TWSG1: variants seen among roughly 807,000 people sequenced by gnomAD.
The protein encoded by TWSG1 is twisted gastrulation BMP signaling modulator 1.
A neutral mutation model predicts 23.0 loss-of-function variants in TWSG1; 15 were observed. That is an observed-to-expected ratio of 0.65 (90% CI 0.44 to 1.00). The LOEUF (loss-of-function observed/expected upper bound fraction) is 1.00. TWSG1 is among the 50% of genes least tolerant of loss of function. The pLI is 0.00. For missense variants in TWSG1, 242 were observed against 278.7 expected, an observed-to-expected ratio of 0.87 and a Z score of 0.94; for synonymous variants, 86 against 92.8, an observed-to-expected ratio of 0.93 and a Z score of 0.42.
chr18:9,364,531 G>C (rs1006407310), intron 3 of TWSG1, among the ~76,000 whole-genome samples: 7 of 152,052 alleles, frequency 4.6e-5, no homozygotes, highest in African/African-American at 1.7e-4. Context: ...GGTGGCTCAC[G>C]CGTATAATCC....
intron 2 of TWSG1, among the ~76,000 whole-genome samples, chr18:9,352,409 T>C (rs758144520): frequency 1.4e-4 from 22 of 152,224 alleles, no homozygotes; most frequent in Non-Finnish European, 2.9e-4. Flanking sequence ...GGTCTTTTTA[T>C]GGACCTATGT....
intron 3 of TWSG1, among the ~76,000 whole-genome samples, chr18:9,377,648 C>T (rs192120488): frequency 1.3e-5 from 2 of 152,312 alleles, no homozygotes; most frequent in East Asian, 3.9e-4. Context: ...AATGTAAACA[C>T]AATACTGTGA....
chr18:9,338,157 C>T (rs1333343087), intron 2 of TWSG1, among the ~76,000 whole-genome samples: 5 of 152,214 alleles, frequency 3.3e-5, no homozygotes, highest in Admixed American at 3.3e-4. Context: ...CTGTAACCCT[C>T]ACTTGAGAGT....
At chr18:9,336,581 T>G (rs938939385) in intron 1 of TWSG1, among the ~76,000 whole-genome samples, 20 of 152,136 alleles carry the variant, frequency 1.3e-4, no homozygotes, top group African/African-American at 4.3e-4. Context: ...TAAAATTTTG[T>G]TTTGATTCTA....
At position 9,387,693 on chromosome 18, in the gene TWSG1, C is replaced by T. The variant is rs544037232; in HGVS notation, c.224-8587C>T. 7.3e-5 allele frequency among the ~76,000 whole-genome samples: 11 copies of T among 151,292 alleles called. No individual in the cohort carries two copies. The South Asian group carries it at 1.5e-3, about 20-fold the overall frequency. On this transcript the variant is annotated intron_variant, in intron 3 of 4. Coordinates refer to ENST00000262120, the MANE Select transcript of TWSG1 (RefSeq NM_020648.6). ...GCTGAAGCAGGAGAATCACTTGAAC[C>T]CAGGAGGCAGAGGCTGCAGTGAGCC...
Position 9,372,794 on chromosome 18 carries a change from A to G in TWSG1, c.223+12723A>G, listed in dbSNP as rs79551291. On this transcript the variant is annotated intron_variant, in intron 3 of 4. Coordinates refer to ENST00000262120, the MANE Select transcript of TWSG1 (RefSeq NM_020648.6). ...AAGAAGAGAAAATGGAATCAAATAAAATGCTCAATTAAAACCAAAAAGGCA... is the reference window on the plus strand; with the variant it reads ...AAGAAGAGAAAATGGAATCAAATAAGATGCTCAATTAAAACCAAAAAGGCA... 8.1e-3 allele frequency among the ~76,000 whole-genome samples: 1,234 copies of G among 152,152 alleles called. 9 individuals carry two copies. Among genetic ancestry groups the G allele is most frequent in the African/African-American group, 0.028 (1,151 of 41,544 alleles).
At chr18:9,355,389 A>G (rs2040521738) in intron 2 of TWSG1, among the ~76,000 whole-genome samples, 2 of 152,194 alleles carry the variant, frequency 1.3e-5, no homozygotes, top group Admixed American at 1.3e-4. Flanking sequence ...TATTTTCAAT[A>G]CTTGAGTTCA....
chr18:9,344,057 T>C (rs867994657), intron 2 of TWSG1, among the ~76,000 whole-genome samples: 29 of 152,128 alleles, frequency 1.9e-4, no homozygotes, highest in African/African-American at 6.5e-4. Context: ...TGTGCCACCA[T>C]ACCTGGCTAA....
rs187252768 is a variant in TWSG1 at position 9,386,044 on chromosome 18, C to T, written c.224-10236C>T. ...ATTAGCTAGGCGTGGTGGCGCATGC[C>T]TGTAGTCCCAGATACTCAGGAGACT... On this transcript the variant is annotated intron_variant, in intron 3 of 4. Transcript: ENST00000262120. Among the ~76,000 whole-genome samples, 541 of 151,994 alleles carry T rather than the reference C, an allele frequency of 3.6e-3. 4 individuals are homozygous for T. Among genetic ancestry groups the T allele is most frequent in the African/African-American group, 0.013 (518 of 41,418 alleles).
chr18:9,387,810 G>A (rs7237136), intron 3 of TWSG1, among the ~76,000 whole-genome samples: 2 of 150,336 alleles, frequency 1.3e-5, no homozygotes, highest in Admixed American at 6.6e-5. Flanking sequence ...CAGCAAATAC[G>A]TTTTACCCCT....
Position 9,399,779 on chromosome 18 carries a change from C to T in TWSG1, c.*252C>T. ...TGTACAACTTTGGTCATATGAGAAG[C>T]AGGTGCGCAGAGAATTCCTTGAAAG... On this transcript the variant is annotated 3_prime_UTR_variant, in exon 5 of 5. Transcript: ENST00000262120. 3.3e-6 allele frequency: 1 copy of T among 298,650 alleles called. No individual in the cohort carries two copies. The highest frequency in any genetic ancestry group is 6.0e-5 in the East Asian group (1 of 16,592). 18.5% of individuals were successfully genotyped at this position (298,650 alleles called of 1,614,324 possible). A position where few individuals can be genotyped will look rare whatever the true frequency, so the allele number is the denominator to read the frequency against.
chr18:9,349,789 G>T (rs1248073471), intron 2 of TWSG1, among the ~76,000 whole-genome samples: 1 of 152,076 alleles, frequency 6.6e-6, no homozygotes, highest in African/African-American at 2.4e-5. Context: ...TTTCTCTCGT[G>T]AACATTATTT....
rs189922681 is a variant in TWSG1 at position 9,378,181 on chromosome 18, C to T, written c.224-18099C>T. ...TACAAAAGTTGTATCTAATAAAGGA[C>T]TGTTACCCAGAATATACAAAAACAA... is the stretch of plus-strand genomic sequence containing the variant. On this transcript the variant is annotated intron_variant, in intron 3 of 4. Coordinates refer to ENST00000262120, the MANE Select transcript of TWSG1 (RefSeq NM_020648.6). Among the ~76,000 whole-genome samples, 3 of 152,312 alleles carry T rather than the reference C, an allele frequency of 2.0e-5. No individual in the cohort carries two copies. In the East Asian group the frequency reaches 5.8e-4, roughly 29 times the overall value.
chr18:9,380,248 G>A (rs1403784599), intron 3 of TWSG1, among the ~76,000 whole-genome samples: 2 of 152,296 alleles, frequency 1.3e-5, no homozygotes, highest in East Asian at 3.9e-4. Flanking sequence ...CCTAAAGAGT[G>A]TGAGAGTGTT....
intron 3 of TWSG1, among the ~76,000 whole-genome samples, chr18:9,361,711 C>T (rs766616240): frequency 2.0e-5 from 3 of 152,180 alleles, no homozygotes; most frequent in Non-Finnish European, 4.4e-5. Context: ...CTTTTATTTA[C>T]GTTCCTTGTT....
At chr18:9,359,767 G>A (rs1370495192) in intron 2 of TWSG1, among the ~76,000 whole-genome samples, 1 of 152,036 alleles carries the variant, frequency 6.6e-6, no homozygotes, top group Non-Finnish European at 1.5e-5. Context: ...AGCATTCAAA[G>A]TATGTTCACT....
At chr18:9,364,268 T>C (rs2145611118) in intron 3 of TWSG1, among the ~76,000 whole-genome samples, 1 of 152,354 alleles carries the variant, frequency 6.6e-6, no homozygotes, top group Non-Finnish European at 1.5e-5. Context: ...GGAAGTTAGA[T>C]ATGAAGGCTT....
chr18:9,397,710 T>C (rs1379350550), intron 4 of TWSG1, among the ~76,000 whole-genome samples: 1 of 152,120 alleles, frequency 6.6e-6, no homozygotes, highest in Non-Finnish European at 1.5e-5. Flanking sequence ...TTCCTACCTA[T>C]ATAAAACAGT....
Position 9,402,176 on chromosome 18 carries a change from A to T in TWSG1, c.*2649A>T, listed in dbSNP as rs1062359. 1 of 151,942 alleles carries T rather than the reference A, an allele frequency of 6.6e-6. No individual in the cohort carries two copies. Among genetic ancestry groups the T allele is most frequent in the Admixed American group, 6.6e-5 (1 of 15,244 alleles). 9.4% of individuals were successfully genotyped at this position (151,942 alleles called of 1,614,324 possible). Reference sequence around the variant, plus strand: ...TGATAAGATGTTAGAAATTTGGACCATTATTTATAATCAGGGTAGCATTAA... The same window carrying T: ...TGATAAGATGTTAGAAATTTGGACCTTTATTTATAATCAGGGTAGCATTAA... On this transcript the variant is annotated 3_prime_UTR_variant, in exon 5 of 5. Coordinates refer to ENST00000262120, the MANE Select transcript of TWSG1 (RefSeq NM_020648.6).
Sources: gnomAD v4.1 joint callset for allele counts (sites outside exome capture counted in the v4.1 genomes callset) on GRCh38, gnomAD v4.1.1 for gene constraint, MANE v1.5 for transcripts, NCBI Gene and HGNC (gene_info 2026-07-23, HGNC 2026-07-21) for gene names.